The following TRMT9B variants were observed in gnomAD, a reference collection of about 807,000 sequenced individuals.
TRMT9B encodes the protein tRNA methyltransferase 9B (putative).
Under a neutral mutation model 11.5 loss-of-function variants are expected in TRMT9B, and 16 were observed. That is an observed-to-expected ratio of 1.39 (90% confidence interval 0.94 to 2.11). The LOEUF is 2.11. Ranked by LOEUF, TRMT9B falls within the 30% of genes most tolerant of loss-of-function variation. The pLI is 0.00. For missense variants in TRMT9B, 941 were observed against 553.8 expected, an observed-to-expected ratio of 1.70 and a Z score of -7.02; for synonymous variants, 274 against 192.4, an observed-to-expected ratio of 1.42 and a Z score of -3.51.
intron 4 of TRMT9B, 150 bp downstream of exon 4, chr8:13,013,007 G>A: frequency 9.7e-7 from 1 of 1,026,588 alleles, no homozygotes; most frequent in Non-Finnish European, 1.3e-6. Context: ...CTACTTGACT[G>A]ATTTGACTTA....
chr8:12,970,372 A>G (rs1415154485), intron 1 of TRMT9B, among the ~76,000 whole-genome samples: 2 of 152,238 alleles, frequency 1.3e-5, no homozygotes, highest in East Asian at 3.9e-4. Flanking sequence ...TCATGTATTC[A>G]GTATTCTCCA....
rs375494660 is a variant in TRMT9B, at chr8:12,990,811, A to G, written c.-199-23A>G. ...ATACATACCATGTGAAATGACATTT[A>G]GTATTTGTTTTCTTCCTGATAGGGC... On this transcript the variant is annotated intron_variant, in intron 1 of 4. Transcript: ENST00000524591. The G allele has an allele frequency of 3.1e-6, 4 of 1,279,432 alleles. No individual in the cohort carries two copies. The South Asian group carries it at 5.0e-5, about 16-fold the overall frequency. The allele number at this position is 1,279,432 out of a possible 1,614,324, so 79.3% of individuals were successfully genotyped here.
Position 13,020,989 on chromosome 8 carries a change from C to A in TRMT9B, c.329-19C>A. 3 of 1,487,226 alleles carry A rather than the reference C, an allele frequency of 2.0e-6. No individual in the cohort carries two copies. Among genetic ancestry groups the A allele is most frequent in the East Asian group, 2.4e-5 (1 of 41,742 alleles). 92.1% of individuals were successfully genotyped at this position (1,487,226 alleles called of 1,614,324 possible). A position where few individuals can be genotyped will look rare whatever the true frequency, so the allele number is the denominator to read the frequency against. Reference sequence around the variant, plus strand: ...TATGTGTGTGCATACACACTGAGATCTAGTTTTGTCTTTTTCAGTCATACA... The same window carrying A: ...TATGTGTGTGCATACACACTGAGATATAGTTTTGTCTTTTTCAGTCATACA... On this transcript the variant is annotated intron_variant, in intron 4 of 4. Coordinates refer to ENST00000524591, the MANE Select transcript of TRMT9B (RefSeq NM_020844.3).
rs2460897 is a variant in TRMT9B at position 12,971,689 on chromosome 8, A to G, written c.-199-19145A>G. Among the ~76,000 whole-genome samples, 1,138 of 152,114 alleles carry G rather than the reference A, an allele frequency of 7.5e-3. 16 individuals carry two copies. Among genetic ancestry groups the G allele is most frequent in the African/African-American group, 0.026 (1,092 of 41,376 alleles). ...AGAAAATGGGGGGCAGGGAAAGCAG[A>G]AAATGGATATTGCTAAAAATTTCAG... On this transcript the variant is annotated intron_variant, in intron 1 of 4. Transcript: ENST00000524591.
chr8:12,954,023 C>A (rs1036954328), intron 1 of TRMT9B, among the ~76,000 whole-genome samples: 2 of 152,098 alleles, frequency 1.3e-5, no homozygotes, highest in African/African-American at 4.8e-5. Context: ...GCGTGTATAT[C>A]TTAATATGGA....
chr8:12,982,280 T>C (rs1268502867), intron 1 of TRMT9B, among the ~76,000 whole-genome samples: 1 of 152,156 alleles, frequency 6.6e-6, no homozygotes. Flanking sequence ...AAGAGGGATA[T>C]GATGGAGCTG....
chr8:12,976,982 C>T (rs150314744), intron 1 of TRMT9B, among the ~76,000 whole-genome samples: 1 of 152,208 alleles, frequency 6.6e-6, no homozygotes, highest in African/African-American at 2.4e-5. Flanking sequence ...TGCTCATGCC[C>T]CAGATGGAGG....
intron 4 of TRMT9B, among the ~76,000 whole-genome samples, chr8:13,013,720 A>G (rs1242840834): frequency 6.6e-6 from 1 of 152,168 alleles, no homozygotes; most frequent in Non-Finnish European, 1.5e-5. Context: ...TGGGAGGCCG[A>G]AGTGGGTGTA....
intron 1 of TRMT9B, among the ~76,000 whole-genome samples, chr8:12,990,518 G>A (rs1807151764): frequency 6.6e-6 from 1 of 152,158 alleles, no homozygotes; most frequent in Non-Finnish European, 1.5e-5. Flanking sequence ...GTCTTAGGTA[G>A]TATTTATTTA....
At position 13,021,917 on chromosome 8, in the gene TRMT9B, A is replaced by G. The variant is rs759794082; in HGVS notation, c.1238A>G (p.His413Arg). ...LDSTAFMRYY[H>R]VFREGELCSL... is the part of the protein sequence containing the mutation. ...TCCACAGCCTTTATGCGCTACTACCATGTGTTTCGAGAAGGGGAGCTCTGC... is the reference window on the plus strand; with the variant it reads ...TCCACAGCCTTTATGCGCTACTACCGTGTGTTTCGAGAAGGGGAGCTCTGC... Residue 413 changes from histidine (H) to arginine (R), a missense_variant, in exon 5 of 5, where the codon CAT becomes CGT. His to Arg is a conservative substitution (Grantham distance 29). Transcript: ENST00000524591. 3.1e-6 allele frequency: 5 copies of G among 1,613,760 alleles called. No individual in the cohort carries two copies. The highest frequency in any genetic ancestry group is 1.6e-4 in the Middle Eastern group (1 of 6,062).
chr8:12,975,242 G>C (rs1335048148), intron 1 of TRMT9B, among the ~76,000 whole-genome samples: 1 of 151,982 alleles, frequency 6.6e-6, no homozygotes, highest in Non-Finnish European at 1.5e-5. Flanking sequence ...GATACAAATA[G>C]ATTAGTAGAT....
intron 1 of TRMT9B, among the ~76,000 whole-genome samples, chr8:12,946,800 G>T (rs1206895459): frequency 6.6e-6 from 1 of 152,184 alleles, no homozygotes; most frequent in Non-Finnish European, 1.5e-5. Context: ...AGAAAGAGAA[G>T]AAGTGGCATT....
intron 1 of TRMT9B, among the ~76,000 whole-genome samples, chr8:12,988,367 A>G (rs577592059): frequency 1.7e-4 from 26 of 152,304 alleles, no homozygotes; most frequent in East Asian, 7.7e-4. Context: ...ATAATTTGCA[A>G]TAACACAAAA....
chr8:12,976,205 T>C (rs1804418296), intron 1 of TRMT9B, among the ~76,000 whole-genome samples: 1 of 152,116 alleles, frequency 6.6e-6, no homozygotes, highest in South Asian at 2.1e-4. Context: ...TAGTTCTCCT[T>C]TGGGAGGTCT....
At chr8:12,969,144 T>C (rs963304406) in intron 1 of TRMT9B, among the ~76,000 whole-genome samples, 9 of 152,206 alleles carry the variant, frequency 5.9e-5, no homozygotes, top group Admixed American at 3.9e-4. Flanking sequence ...AAGGTGGAGA[T>C]TGCAGTGAGC....
At chr8:12,964,173 G>A (rs1365052875) in intron 1 of TRMT9B, among the ~76,000 whole-genome samples, 1 of 152,058 alleles carries the variant, frequency 6.6e-6, no homozygotes, top group East Asian at 1.9e-4. Flanking sequence ...CATTAGTTTT[G>A]TTATTTTAAA....
intron 1 of TRMT9B, among the ~76,000 whole-genome samples, chr8:12,949,852 C>A (rs548443701): frequency 3.9e-5 from 6 of 151,944 alleles, no homozygotes; most frequent in African/African-American, 1.5e-4. Context: ...CTAGTTAATT[C>A]TATTTATTTA....
intron 2 of TRMT9B, among the ~76,000 whole-genome samples, chr8:13,000,746 C>T (rs774784433): frequency 2.0e-4 from 31 of 152,292 alleles, no homozygotes; most frequent in Middle Eastern, 3.4e-3. Flanking sequence ...AGCATCCTTG[C>T]ACGCTAGTTA....
At chr8:12,986,731 A>T (rs2128876300) in intron 1 of TRMT9B, among the ~76,000 whole-genome samples, 1 of 152,290 alleles carries the variant, frequency 6.6e-6, no homozygotes, top group Admixed American at 6.5e-5. Flanking sequence ...CAGGCTTATT[A>T]TCAGAGCGTC....
Sources: gnomAD v4.1 joint callset for allele counts (sites outside exome capture counted in the v4.1 genomes callset) on GRCh38, gnomAD v4.1.1 for gene constraint, MANE v1.5 for transcripts, NCBI Gene and HGNC (gene_info 2026-07-23, HGNC 2026-07-21) for gene names.